The following IFT81 variants were observed in gnomAD, a reference collection of about 807,000 sequenced individuals.
The protein encoded by IFT81 is intraflagellar transport 81.
Under a neutral mutation model 102.6 loss-of-function variants are expected in IFT81, and 72 were observed. The observed-to-expected ratio is 0.70, with a 90% CI of 0.58 to 0.85. The LOEUF (loss-of-function observed/expected upper bound fraction) is 0.85. Among genes scored for constraint, IFT81 ranks in the 40% least tolerant of loss-of-function variants. The pLI is 0.00. For missense variants in IFT81, 723 were observed against 787.3 expected, an observed-to-expected ratio of 0.92 and a Z score of 0.98; for synonymous variants, 237 against 242.7, an observed-to-expected ratio of 0.98 and a Z score of 0.22.
At chr12:110,138,057 G>T (rs1000597798) in intron 8 of IFT81, among the ~76,000 whole-genome samples, 8 of 152,316 alleles carry the variant, frequency 5.3e-5, no homozygotes, top group Non-Finnish European at 1.0e-4. Flanking sequence ...CACGCAAACT[G>T]AAAGAGCAGT....
intron 10 of IFT81, among the ~76,000 whole-genome samples, chr12:110,147,537 G>A (rs1048721801): frequency 1.5e-4 from 23 of 152,142 alleles, no homozygotes; most frequent in Non-Finnish European, 2.5e-4. Flanking sequence ...TTCTATAAAA[G>A]ATTCAAATGA....
rs1895026950 is a variant in IFT81 at position 110,143,654 on chromosome 12, C to T, written c.945+109C>T. 17 of 865,412 alleles carry T rather than the reference C, an allele frequency of 2.0e-5. No homozygotes were observed. In the South Asian group the frequency reaches 2.5e-4, roughly 13 times the overall value. The allele number at this position is 865,412 out of a possible 1,614,324, so 53.6% of individuals were successfully genotyped here. On this transcript the variant is annotated intron_variant, in intron 9 of 18. Coordinates refer to ENST00000242591, the MANE Select transcript of IFT81 (RefSeq NM_014055.4). ...TCCCACTATTGACTCTTAAATTAAC[C>T]TGTGCTAAGAGTTGACAACTCTTAT...
chr12:110,193,458 AG>A (rs1474753993), intron 14 of IFT81, among the ~76,000 whole-genome samples: 2 of 152,322 alleles, frequency 1.3e-5, no homozygotes, highest in Non-Finnish European at 2.9e-5. Context: ...AAACTATGAT[AG>A]ATTATGAGAA....
intron 11 of IFT81, among the ~76,000 whole-genome samples, chr12:110,177,825 T>G (rs1018919938): frequency 2.0e-5 from 3 of 152,206 alleles, no homozygotes; most frequent in Non-Finnish European, 2.9e-5. Context: ...CCGGGCGCAG[T>G]GGCTCATGCC....
At chr12:110,214,395 A>T (rs1233099544) in intron 18 of IFT81, among the ~76,000 whole-genome samples, 1 of 152,040 alleles carries the variant, frequency 6.6e-6, no homozygotes, top group African/African-American at 2.4e-5. Context: ...TTAATCCTCA[A>T]ACTTCTAGAG....
intron 11 of IFT81, among the ~76,000 whole-genome samples, chr12:110,165,997 G>C (rs943856979): frequency 1.3e-5 from 2 of 152,204 alleles, no homozygotes; most frequent in African/African-American, 4.8e-5. Context: ...TCTAGAACTT[G>C]GTTGTTTGAG....
intron 14 of IFT81, among the ~76,000 whole-genome samples, chr12:110,194,096 C>T (rs1451330805): frequency 6.6e-6 from 1 of 152,168 alleles, no homozygotes; most frequent in African/African-American, 2.4e-5. Flanking sequence ...TGAGAACTCA[C>T]TCACTATCAT....
Position 110,205,645 on chromosome 12 carries a change from C to T in IFT81, c.1767C>T (p.Ile589=). Residue 589 remains isoleucine (I), a synonymous_variant, in exon 17 of 19, where the codon ATC becomes ATT. Transcript: ENST00000242591. ...CTACTGATGAGATGAAGGCATATAT[C>T]TCTTCTGATCAACAAGAAAAAAGAA... is the stretch of plus-strand genomic sequence containing the variant. ...RRATDEMKAY[I]SSDQQEKRKA... 3.1e-6 allele frequency: 5 copies of T among 1,596,550 alleles called. No individual in the cohort carries two copies. Among genetic ancestry groups the T allele is most frequent in the Non-Finnish European group, 3.4e-6 (4 of 1,174,434 alleles).
At chr12:110,186,101 A>AT (rs1327247526) in intron 12 of IFT81, among the ~76,000 whole-genome samples, 1 of 152,020 alleles carries the variant, frequency 6.6e-6, no homozygotes, top group Non-Finnish European at 1.5e-5. Context: ...AGACACCTGT[A>AT]TTTTACCTTC....
chr12:110,132,656 G>C lies in IFT81; in HGVS notation c.519+20G>C. 1 of 1,310,324 alleles carries C rather than the reference G, an allele frequency of 7.6e-7. No individual in the cohort carries two copies. Among genetic ancestry groups the C allele is most frequent in the Non-Finnish European group, 1.1e-6 (1 of 919,610 alleles). 81.2% of individuals were successfully genotyped at this position (1,310,324 alleles called of 1,614,324 possible). On this transcript the variant is annotated intron_variant, in intron 5 of 18. Transcript: ENST00000242591. ...AGAAAGGTAAAGGAAAGAAAACATA[G>C]TAACAATTTTTTTGGGATTTGAATA...
At chr12:110,188,794 T>A (rs1897666424) in intron 12 of IFT81, among the ~76,000 whole-genome samples, 1 of 151,048 alleles carries the variant, frequency 6.6e-6, no homozygotes, top group South Asian at 2.1e-4. Flanking sequence ...TTAGGCATAG[T>A]GGCACGCGCC....
At chr12:110,185,879 T>TGTGA (rs1219250559) in intron 12 of IFT81, among the ~76,000 whole-genome samples, 7 of 152,224 alleles carry the variant, frequency 4.6e-5, no homozygotes, top group African/African-American at 1.7e-4. Context: ...GGATTACAGG[T>TGTGA]GTGAGCCACT....
chr12:110,201,950 T>A (rs1898302144), intron 14 of IFT81, among the ~76,000 whole-genome samples: 1 of 152,232 alleles, frequency 6.6e-6, no homozygotes, highest in Admixed American at 6.5e-5. Flanking sequence ...TGCCTGAGGC[T>A]GTTTCACAGT....
At chr12:110,210,686 C>G (rs1869285280) in intron 18 of IFT81, among the ~76,000 whole-genome samples, 1 of 149,440 alleles carries the variant, frequency 6.7e-6, no homozygotes, top group African/African-American at 2.5e-5. Flanking sequence ...CTGCAGTGAG[C>G]CGAGATCATG....
intron 14 of IFT81, among the ~76,000 whole-genome samples, chr12:110,203,045 C>T (rs1898377118): frequency 6.6e-6 from 1 of 152,086 alleles, no homozygotes. Flanking sequence ...GTAGGTGGAT[C>T]ACCTGAGATC....
intron 11 of IFT81, chr12:110,168,367 A>G (rs746442546): frequency 5.6e-5 from 11 of 196,816 alleles, no homozygotes; most frequent in Non-Finnish European, 1.0e-4. Flanking sequence ...ATTCAGAATC[A>G]TCTTGGTAGA....
chr12:110,215,452 TC>T (rs1869975791), intron 18 of IFT81, among the ~76,000 whole-genome samples: 9 of 133,174 alleles, frequency 6.8e-5, no homozygotes, highest in African/African-American at 9.1e-5. Context: ...TTCTTCTTCT[TC>T]TTTTTTTTTT....
chr12:110,186,185 A>G (rs1350578360), intron 12 of IFT81, among the ~76,000 whole-genome samples: 1 of 152,188 alleles, frequency 6.6e-6, no homozygotes, highest in African/African-American at 2.4e-5. Context: ...TTAAAGATTT[A>G]ATTCCATTGT....
At chr12:110,199,690 T>A (rs1267731588) in intron 14 of IFT81, among the ~76,000 whole-genome samples, 1 of 152,204 alleles carries the variant, frequency 6.6e-6, no homozygotes, top group Non-Finnish European at 1.5e-5. Context: ...GTCACTTTGA[T>A]ACATAGAAGC....
Sources: allele counts gnomAD v4.1 joint callset (sites outside exome capture counted in the v4.1 genomes callset), GRCh38; gene constraint gnomAD v4.1.1; transcripts MANE v1.5; gene names NCBI Gene and HGNC (gene_info 2026-07-23, HGNC 2026-07-21).